TENM2: variants seen among roughly 807,000 people sequenced by gnomAD.
The protein encoded by TENM2 is teneurin-2.
A neutral mutation model predicts 245.2 loss-of-function variants in TENM2; 52 were observed. The ratio of observed to expected loss-of-function variants is 0.21; its 90% CI spans 0.17 to 0.27. The LOEUF is 0.27. TENM2 is among the 10% of genes least tolerant of loss of function. The pLI is 1.00. For synonymous variants in TENM2, 1,363 were observed against 1,438.9 expected (o/e 0.95, Z 1.19); for missense variants, 3,046 against 3,666.8 (o/e 0.83, Z 4.37).
intron 7 of TENM2, among the ~76,000 whole-genome samples, chr5:168,070,092 C>T (rs1790855475): frequency 6.6e-6 from 1 of 152,146 alleles, no homozygotes; most frequent in South Asian, 2.1e-4. Flanking sequence ...GCTGCACTGT[C>T]CTGTGTGTTT....
At chr5:167,807,363 G>A (rs191525740) in intron 2 of TENM2, among the ~76,000 whole-genome samples, 1 of 151,896 alleles carries the variant, frequency 6.6e-6, no homozygotes, top group Non-Finnish European at 1.5e-5. Context: ...CATGCTAATA[G>A]GCTAAGCCTA....
At chr5:167,367,916 A>C (rs541340008) in intron 1 of TENM2, among the ~76,000 whole-genome samples, 37 of 152,124 alleles carry the variant, frequency 2.4e-4, no homozygotes, top group Non-Finnish European at 3.5e-4. Flanking sequence ...AAAGTACTAT[A>C]ACGTTATAAT....
At chr5:167,634,113 G>A (rs1779043590) in intron 2 of TENM2, among the ~76,000 whole-genome samples, 2 of 152,126 alleles carry the variant, frequency 1.3e-5, no homozygotes, top group South Asian at 4.1e-4. Context: ...TGGGACAAGG[G>A]ATTCAAAAAA....
chr5:168,001,683 A>T (rs1784431185), intron 5 of TENM2, among the ~76,000 whole-genome samples: 1 of 152,238 alleles, frequency 6.6e-6, no homozygotes, highest in Non-Finnish European at 1.5e-5. Flanking sequence ...ACCTAAAACC[A>T]GACTTTTTTG....
exon 13 of TENM2, chr5:168,162,648 C>G: frequency 6.2e-7 from 1 of 1,614,014 alleles, no homozygotes; most frequent in Non-Finnish European, 8.5e-7. Flanking sequence ...ACGGGAGATG[C>G]ACACTGGGTC....
chr5:167,901,134 C>T (rs917282908), intron 3 of TENM2, among the ~76,000 whole-genome samples: 3 of 151,902 alleles, frequency 2.0e-5, no homozygotes, highest in Admixed American at 6.6e-5. Flanking sequence ...AATTGAACAC[C>T]CAGAGATGAT....
At chr5:167,738,873 C>T (rs546430758) in intron 2 of TENM2, among the ~76,000 whole-genome samples, 58 of 152,248 alleles carry the variant, frequency 3.8e-4, no homozygotes, top group Admixed American at 2.6e-3. Context: ...TGAAAGTCCC[C>T]GTTTTAACTT....
intron 1 of TENM2, among the ~76,000 whole-genome samples, chr5:167,344,276 G>A (rs1393342615): frequency 7.3e-6 from 1 of 137,018 alleles, no homozygotes; most frequent in African/African-American, 2.8e-5. Flanking sequence ...ACACATGCAC[G>A]TGCACGCACA....
chr5:167,863,398 T>C (rs1772004989), intron 2 of TENM2, among the ~76,000 whole-genome samples: 1 of 151,968 alleles, frequency 6.6e-6, no homozygotes, highest in African/African-American at 2.4e-5. Context: ...GAGAATTGCC[T>C]GGGGTCGGGA....
intron 2 of TENM2, among the ~76,000 whole-genome samples, chr5:167,813,331 C>T (rs1441583992): frequency 2.6e-5 from 4 of 151,790 alleles, no homozygotes; most frequent in Admixed American, 6.6e-5. Flanking sequence ...GGAAATATTA[C>T]GTGTCTGCCC....
the TENM2 span, among the ~76,000 whole-genome samples, chr5:167,161,296 C>T: frequency 6.6e-6 from 1 of 152,190 alleles, no homozygotes; most frequent in South Asian, 2.1e-4. Flanking sequence ...AGATGGGAAT[C>T]ACTCGACTAT....
intron 2 of TENM2, among the ~76,000 whole-genome samples, chr5:167,822,910 C>T (rs149835806): frequency 2.0e-5 from 3 of 152,310 alleles, no homozygotes; most frequent in East Asian, 1.9e-4. Context: ...AAGAAAAGAA[C>T]GGACGTTGGA....
the TENM2 span, among the ~76,000 whole-genome samples, chr5:167,031,787 A>G: frequency 5.3e-5 from 8 of 151,990 alleles, no homozygotes; most frequent in African/African-American, 1.5e-4. Context: ...CTGGTCTCGA[A>G]CTCCCGAGCT....
At chr5:167,919,835 G>A (rs944397128) in intron 3 of TENM2, among the ~76,000 whole-genome samples, 10 of 152,174 alleles carry the variant, frequency 6.6e-5, no homozygotes, top group Admixed American at 6.5e-4. Flanking sequence ...GAGGAAGACG[G>A]GATCACAACT....
intron 5 of TENM2, among the ~76,000 whole-genome samples, chr5:168,041,583 G>A (rs1472490710): frequency 6.6e-6 from 1 of 152,172 alleles, no homozygotes; most frequent in Non-Finnish European, 1.5e-5. Flanking sequence ...ATGAAAAAAG[G>A]AAGAAATTTT....
At chr5:167,910,088 A>G (rs1433682402) in intron 3 of TENM2, among the ~76,000 whole-genome samples, 2 of 152,164 alleles carry the variant, frequency 1.3e-5, no homozygotes, top group East Asian at 1.9e-4. Flanking sequence ...TAATTTATCT[A>G]TCTACAATGC....
chr5:168,139,369 C>T, intron 12 of TENM2: 1 of 416,596 alleles, frequency 2.4e-6, no homozygotes, highest in East Asian at 7.1e-5. Context: ...ATCTCATCTT[C>T]TCTTAGCTAT....
At chr5:168,124,871 G>A (rs1562189221) in exon 11 of TENM2, 1 of 1,612,352 alleles carries the variant, frequency 6.2e-7, no homozygotes, top group Non-Finnish European at 8.5e-7. Context: ...GATCCCACCT[G>A]CTCCAGCCAC....
chr5:167,084,565 C>T, the TENM2 span, among the ~76,000 whole-genome samples: 1 of 151,530 alleles, frequency 6.6e-6, no homozygotes, highest in Non-Finnish European at 1.5e-5. Context: ...TCATTTAATT[C>T]CCACAACACT....
Sources: gnomAD v4.1 joint callset for allele counts (sites outside exome capture counted in the v4.1 genomes callset) on GRCh38, gnomAD v4.1.1 for gene constraint, MANE v1.5 for transcripts, NCBI Gene and HGNC (gene_info 2026-07-23, HGNC 2026-07-21) for gene names.